Variants in ADCY10 observed in about 807,000 individuals in gnomAD.
ADCY10 encodes the protein adenylate cyclase type 10.
Under a neutral mutation model 183.3 loss-of-function variants are expected in ADCY10, and 156 were observed. The observed-to-expected ratio is 0.85, with a 90% CI of 0.75 to 0.97. ADCY10 has a LOEUF of 0.97. Ranked by LOEUF, ADCY10 falls within the 50% of genes least tolerant of loss-of-function variation. The probability of loss-of-function intolerance (pLI) is 0.00; values close to 1 mark genes in which losing one functional copy is unlikely to be tolerated. For synonymous variants in ADCY10, 645 were observed against 670.0 expected (o/e 0.96, Z 0.58); for missense variants, 1,745 against 1,934.3 (o/e 0.90, Z 1.84).
intron 28 of ADCY10, 81 bp from the exon 29 acceptor site, chr1:167,823,204 A>T: frequency 2.5e-6 from 3 of 1,201,150 alleles, no homozygotes; most frequent in Non-Finnish European, 3.7e-6. Context: ...AGGTGGGTGG[A>T]TCACGAGGTC....
At chr1:167,845,355 T>C (rs922260593) in intron 21 of ADCY10, among the ~76,000 whole-genome samples, 12 of 152,190 alleles carry the variant, frequency 7.9e-5, no homozygotes, top group African/African-American at 1.9e-4. Context: ...CTGACAGTTA[T>C]AGTGAGATTG....
In ADCY10 at chr1:167,901,674, G is replaced by A. The variant is rs776954739; in HGVS notation, c.424C>T (p.Arg142Ter). ...CTCAAATGCTTACCTATCTTGACTC[G>A]GATGTCTAGGCCTTCTTCCCACTCC... ...TQEWEEGLDIRVKIGLAAGHI... is the reference protein window; with the variant it reads ...TQEWEEGLDI The change falls in exon 5 of 33, where the codon CGA becomes TGA. Residue 142 changes from arginine to a stop codon, truncating the protein, a stop_gained. Coordinates refer to ENST00000367851, the MANE Select transcript of ADCY10 (RefSeq NM_018417.6). LOFTEE classifies it high-confidence loss of function. 10 of 1,613,970 alleles carry A rather than the reference G, an allele frequency of 6.2e-6. No homozygotes were observed. Among genetic ancestry groups the A allele is most frequent in the South Asian group, 1.1e-5 (1 of 91,064 alleles).
chr1:167,814,898 G>A (rs763328635), intron 31 of ADCY10, among the ~76,000 whole-genome samples: 2 of 152,162 alleles, frequency 1.3e-5, no homozygotes, highest in Admixed American at 1.3e-4. Context: ...GGCCGAGGTG[G>A]TCGGATCACC....
chr1:167,872,030 A>C (rs911160704), intron 13 of ADCY10, among the ~76,000 whole-genome samples: 1 of 152,030 alleles, frequency 6.6e-6, no homozygotes, highest in African/African-American at 2.4e-5. Context: ...ATAATAAAAA[A>C]TAAATAAATA....
intron 13 of ADCY10, among the ~76,000 whole-genome samples, chr1:167,873,770 T>C (rs1373087815): frequency 2.6e-5 from 4 of 152,244 alleles, no homozygotes; most frequent in African/African-American, 7.2e-5. Flanking sequence ...GAAAAATATC[T>C]CCATGATTTT....
intron 14 of ADCY10, 63 bp from the exon 15 acceptor site, chr1:167,861,126 G>A: frequency 1.5e-6 from 2 of 1,373,364 alleles, no homozygotes; most frequent in East Asian, 5.0e-5. Context: ...GAAAATAATA[G>A]AGGTTGAAGG....
At chr1:167,824,238 GT>G (rs1435433246) in intron 28 of ADCY10, among the ~76,000 whole-genome samples, 2 of 152,066 alleles carry the variant, frequency 1.3e-5, no homozygotes, top group African/African-American at 4.8e-5. Context: ...CAGGAGAATT[GT>G]CTAAACCCGG....
At chr1:167,875,273 G>A in intron 12 of ADCY10, 87 bp from the exon 13 acceptor site, 1 of 1,381,444 alleles carries the variant, frequency 7.2e-7, no homozygotes, top group Non-Finnish European at 1.0e-6. Flanking sequence ...TTCCCAGAAA[G>A]TTTCCTTCTC....
intron 31 of ADCY10, 55 bp from the exon 32 acceptor site, chr1:167,810,968 G>T: frequency 6.6e-7 from 1 of 1,511,838 alleles, no homozygotes; most frequent in Non-Finnish European, 9.2e-7. Context: ...GTCCTTGACT[G>T]TAAGTTATTT....
At chr1:167,855,095 C>T (rs774807102) in intron 17 of ADCY10, among the ~76,000 whole-genome samples, 1 of 151,954 alleles carries the variant, frequency 6.6e-6, no homozygotes, top group Admixed American at 6.6e-5. Context: ...CCGAGGAGGG[C>T]GGAGCATCTG....
At chr1:167,857,527 G>T (rs558322907) in intron 16 of ADCY10, among the ~76,000 whole-genome samples, 7 of 152,156 alleles carry the variant, frequency 4.6e-5, no homozygotes, top group Non-Finnish European at 1.0e-4. Context: ...AAATTGAAGA[G>T]AATAAAGCAG....
chr1:167,887,083 T>G (rs1309712572), intron 8 of ADCY10, among the ~76,000 whole-genome samples: 1 of 152,092 alleles, frequency 6.6e-6, no homozygotes, highest in Non-Finnish European at 1.5e-5. Context: ...TAGGAACACT[T>G]TTACACTGTT....
intron 14 of ADCY10, among the ~76,000 whole-genome samples, chr1:167,869,870 C>T (rs1480284110): frequency 1.3e-5 from 2 of 152,136 alleles, no homozygotes; most frequent in Non-Finnish European, 2.9e-5. Flanking sequence ...ATCTCGGTGT[C>T]TGAGGGGTTT....
At chr1:167,842,623 G>A (rs204266) in intron 21 of ADCY10, among the ~76,000 whole-genome samples, 72,269 of 151,794 alleles carry the variant, frequency 0.48, 20,218 homozygotes, top group African/African-American at 0.79. Context: ...TAACCCTAGG[G>A]AAAATAAACA....
rs978972623 is a variant in ADCY10, at chr1:167,878,566, G to A, written c.1286C>T (p.Ser429Phe). 6.2e-7 allele frequency: 1 copy of A among 1,614,178 alleles called. No homozygotes were observed. Among genetic ancestry groups the A allele is most frequent in the South Asian group, 1.1e-5 (1 of 91,088 alleles). Residue 429 changes from serine to phenylalanine, a missense_variant, in exon 12 of 33, where the codon TCT becomes TTT. By Grantham distance (155) the Ser-to-Phe change is radical. Coordinates refer to ENST00000367851, the MANE Select transcript of ADCY10 (RefSeq NM_018417.6). ...TAGGTTGCTCCCATTGTAGGTGACA[G>A]AGTCGCAGGTCACAATTCCTGGGTA... ...MYYPGIVTCD[S>F]VTYNGSNLPA...
chr1:167,901,828 G>A, intron 4 of ADCY10, 23 bp from the exon 5 acceptor site: 2 of 1,614,122 alleles, frequency 1.2e-6, no homozygotes, highest in Non-Finnish European at 1.7e-6. Flanking sequence ...ACATGCCGCG[G>A]GCTTTTGACC....
At chr1:167,911,434 G>C (rs1046411423) in intron 1 of ADCY10, among the ~76,000 whole-genome samples, 1 of 152,214 alleles carries the variant, frequency 6.6e-6, no homozygotes, top group Non-Finnish European at 1.5e-5. Context: ...GCAACCATTA[G>C]GTCATAGCCT....
At chr1:167,862,749 T>A (rs1666372623) in intron 14 of ADCY10, among the ~76,000 whole-genome samples, 1 of 152,228 alleles carries the variant, frequency 6.6e-6, no homozygotes, top group Non-Finnish European at 1.5e-5. Flanking sequence ...AACTGGCCTT[T>A]CTCAGGCCTA....
chr1:167,816,507 C>T (rs1662537492), intron 31 of ADCY10, among the ~76,000 whole-genome samples: 1 of 152,086 alleles, frequency 6.6e-6, no homozygotes, highest in Admixed American at 6.5e-5. Context: ...GATCACGCCA[C>T]TGCACTCCAG....
Sources: gnomAD v4.1 joint callset for allele counts (sites outside exome capture counted in the v4.1 genomes callset) on GRCh38, gnomAD v4.1.1 for gene constraint, MANE v1.5 for transcripts, NCBI Gene and HGNC (gene_info 2026-07-23, HGNC 2026-07-21) for gene names.